The following KCNQ5 variants were observed in gnomAD, a reference collection of about 807,000 sequenced individuals.
KCNQ5 encodes potassium voltage-gated channel subfamily KQT member 5.
KCNQ5 carries 30 observed loss-of-function variants against 98.2 expected under a neutral mutation model. The observed-to-expected ratio is 0.31, with a 90% confidence interval of 0.23 to 0.41. The LOEUF (loss-of-function observed/expected upper bound fraction) is 0.41. Ranked by LOEUF, KCNQ5 falls within the 10% of genes least tolerant of loss-of-function variation. The pLI is 1.00. For synonymous variants in KCNQ5, 458 were observed against 449.4 expected (o/e 1.02, Z -0.24); for missense variants, 835 against 1,182.5 (o/e 0.71, Z 4.31).
intron 11 of KCNQ5, among the ~76,000 whole-genome samples, chr6:73,180,592 C>T (rs963612008): frequency 3.9e-5 from 6 of 152,186 alleles, no homozygotes; most frequent in Non-Finnish European, 7.3e-5. Context: ...CCAACACACT[C>T]CACCACCACA....
intron 1 of KCNQ5, among the ~76,000 whole-genome samples, chr6:72,768,950 T>C (rs1772715391): frequency 6.6e-6 from 1 of 152,096 alleles, no homozygotes; most frequent in Non-Finnish European, 1.5e-5. Context: ...TAGCCAACAA[T>C]TCTTGCAGTG....
At chr6:73,027,978 G>C (rs1770964692) in intron 2 of KCNQ5, among the ~76,000 whole-genome samples, 1 of 152,134 alleles carries the variant, frequency 6.6e-6, no homozygotes, top group African/African-American at 2.4e-5. Context: ...TATAAACCTA[G>C]TCTTTGAATA....
At chr6:72,750,801 CAG>C (rs1462348759) in intron 1 of KCNQ5, among the ~76,000 whole-genome samples, 4 of 151,956 alleles carry the variant, frequency 2.6e-5, no homozygotes, top group East Asian at 3.9e-4. Context: ...ATGGTACTAA[CAG>C]GGTGTAATTT....
intron 1 of KCNQ5, among the ~76,000 whole-genome samples, chr6:72,725,500 G>A (rs1351745181): frequency 6.6e-6 from 1 of 152,074 alleles, no homozygotes; most frequent in African/African-American, 2.4e-5. Flanking sequence ...GTAGAATAGT[G>A]GTTGCCAGAG....
intron 1 of KCNQ5, among the ~76,000 whole-genome samples, chr6:72,784,922 C>A (rs1183258043): frequency 6.6e-6 from 1 of 152,138 alleles, no homozygotes; most frequent in Admixed American, 6.5e-5. Context: ...CATTATGAGT[C>A]AAGCCCAAAT....
intron 1 of KCNQ5, among the ~76,000 whole-genome samples, chr6:72,732,662 G>GAGGACTTGA (rs1464896048): frequency 6.6e-6 from 1 of 152,188 alleles, no homozygotes; most frequent in Non-Finnish European, 1.5e-5. Context: ...GGAATCACTG[G>GAGGACTTGA]AGGACTTGAA....
intron 1 of KCNQ5, among the ~76,000 whole-genome samples, chr6:72,972,455 G>A (rs1422624579): frequency 6.6e-6 from 1 of 151,690 alleles, no homozygotes; most frequent in Non-Finnish European, 1.5e-5. Flanking sequence ...ATGGTGGTTT[G>A]CTGCATCTAT....
At chr6:72,987,549 G>T (rs1368667495) in intron 1 of KCNQ5, 3 of 652,970 alleles carry the variant, frequency 4.6e-6, no homozygotes, top group Non-Finnish European at 8.6e-6. Flanking sequence ...CCCGCAGCAC[G>T]ATTGCAAGGT....
chr6:73,119,587 GCTT>G (rs1367243608), intron 7 of KCNQ5, among the ~76,000 whole-genome samples: 1 of 152,160 alleles, frequency 6.6e-6, no homozygotes, highest in African/African-American at 2.4e-5. Context: ...TTTTAGTTCT[GCTT>G]CTTGATATCA....
intron 1 of KCNQ5, among the ~76,000 whole-genome samples, chr6:72,848,669 T>C (rs1777114659): frequency 6.6e-6 from 1 of 152,160 alleles, no homozygotes; most frequent in Middle Eastern, 3.2e-3. Context: ...TTGACAAGAT[T>C]AAACATATCC....
intron 1 of KCNQ5, among the ~76,000 whole-genome samples, chr6:72,810,012 G>A (rs937347241): frequency 1.3e-5 from 2 of 152,124 alleles, no homozygotes; most frequent in Admixed American, 6.5e-5. Context: ...TTAAGAAATA[G>A]CCTCTGATAA....
chr6:73,180,485 C>G (rs1339845248), intron 11 of KCNQ5, among the ~76,000 whole-genome samples: 3 of 152,160 alleles, frequency 2.0e-5, no homozygotes, highest in Non-Finnish European at 4.4e-5. Context: ...CACACTAATG[C>G]CATGTCAATG....
intron 1 of KCNQ5, among the ~76,000 whole-genome samples, chr6:72,838,324 A>G (rs968285118): frequency 3.3e-5 from 5 of 151,964 alleles, no homozygotes; most frequent in Non-Finnish European, 7.4e-5. Context: ...ATAGATCTCC[A>G]TACTCCCTGA....
chr6:73,193,488 A>ATAAAATAAAATAAAAT (rs1765674819), intron 13 of KCNQ5, among the ~76,000 whole-genome samples: 1 of 148,554 alleles, frequency 6.7e-6, no homozygotes, highest in African/African-American at 2.4e-5. Flanking sequence ...ATAAAATAAA[A>ATAAAATAAAATAAAAT]TAAAATAAAA....
intron 10 of KCNQ5, among the ~76,000 whole-genome samples, chr6:73,144,914 C>T (rs1472257892): frequency 6.6e-6 from 1 of 152,208 alleles, no homozygotes; most frequent in African/African-American, 2.4e-5. Context: ...ATAATGTCCA[C>T]TATGTCCTGT....
chr6:72,998,836 C>A (rs1769431722), intron 1 of KCNQ5, among the ~76,000 whole-genome samples: 1 of 152,122 alleles, frequency 6.6e-6, no homozygotes. Context: ...TTACAGTCTG[C>A]CAAAATGCTT....
At chr6:72,809,412 C>T (rs1426144308) in intron 1 of KCNQ5, among the ~76,000 whole-genome samples, 7 of 152,082 alleles carry the variant, frequency 4.6e-5, no homozygotes, top group South Asian at 2.1e-4. Context: ...AATAGCCAGG[C>T]GTGGTGGCAT....
chr6:73,194,668 T>C lies in KCNQ5; in HGVS notation c.2053T>C (p.Ser685Pro). Residue 685 changes from serine to proline, a missense_variant, in exon 14 of 14, where the codon TCG (serine) becomes CCG (proline). Ser to Pro is a moderately conservative substitution (Grantham distance 74). Transcript: ENST00000370398. The stretch of plus-strand genomic sequence containing the variant: ...ATCCAGATCAACTAGTGCCAACATC[T>C]CGAGAGGCCTGCAGTTCATTCTGAC... ...CLSRSTSANI[S>P]RGLQFILTPN... is the part of the protein sequence containing the mutation. The C allele has an allele frequency of 1.2e-6, 2 of 1,614,216 alleles. No homozygotes were observed. Among genetic ancestry groups the C allele is most frequent in the South Asian group, 2.2e-5 (2 of 91,088 alleles).
intron 3 of KCNQ5, among the ~76,000 whole-genome samples, chr6:73,075,986 A>G (rs1773523948): frequency 6.6e-6 from 1 of 152,202 alleles, no homozygotes; most frequent in Non-Finnish European, 1.5e-5. Context: ...AGCTCATGCC[A>G]GTGCACTCCA....
Sources: allele counts gnomAD v4.1 joint callset (sites outside exome capture counted in the v4.1 genomes callset), GRCh38; gene constraint gnomAD v4.1.1; transcripts MANE v1.5; gene names NCBI Gene and HGNC (gene_info 2026-07-23, HGNC 2026-07-21).